GALNS: variants seen among roughly 807,000 people sequenced by gnomAD.
The protein encoded by GALNS is galactosamine (N-acetyl)-6-sulfatase, also known as N-acetylgalactosamine-6-sulfatase.
GALNS carries 65 observed loss-of-function variants against 65.9 expected under a neutral mutation model. The ratio of observed to expected loss-of-function variants is 0.99; its 90% CI spans 0.81 to 1.21. The LOEUF (loss-of-function observed/expected upper bound fraction) is 1.21. GALNS is among the 50% of genes most tolerant of loss of function. The pLI, the probability that GALNS is intolerant of heterozygous loss-of-function variation, is 0.00. For missense variants in GALNS, 776 were observed against 700.7 expected, an observed-to-expected ratio of 1.11 and a Z score of -1.21; for synonymous variants, 346 against 288.9, an observed-to-expected ratio of 1.20 and a Z score of -2.00.
At position 88,856,944 on chromosome 16, in the gene GALNS, G is replaced by T. The variant is rs1442993579; in HGVS notation, c.-67C>A. 24 of 1,454,482 alleles carry T rather than the reference G, an allele frequency of 1.7e-5. No homozygotes were observed. In the South Asian group the frequency reaches 3.0e-4, roughly 18 times the overall value. 90.1% of individuals were successfully genotyped at this position (1,454,482 alleles called of 1,614,324 possible). A position where few individuals can be genotyped will look rare whatever the true frequency, so the allele number is the denominator to read the frequency against. ...CTAGCGAGCGTCCGCCGGCCCTTCC[G>T]GCTGGGCTGCGGGGCGGGGCCTGGA... On this transcript the variant is annotated 5_prime_UTR_variant, in exon 1 of 14. Coordinates refer to ENST00000268695, the MANE Select transcript of GALNS (RefSeq NM_000512.5).
chr16:88,814,319 C>T lies in GALNS; in HGVS notation c.*120G>A. 7.6e-7 allele frequency: 1 copy of T among 1,317,842 alleles called. No individual in the cohort carries two copies. The highest frequency in any genetic ancestry group is 1.1e-6 in the Non-Finnish European group (1 of 938,052). The allele number at this position is 1,317,842 out of a possible 1,614,324, so 81.6% of individuals were successfully genotyped here. A position where few individuals can be genotyped will look rare whatever the true frequency, so the allele number is the denominator to read the frequency against. On this transcript the variant is annotated 3_prime_UTR_variant, in exon 14 of 14. Coordinates refer to ENST00000268695, the MANE Select transcript of GALNS (RefSeq NM_000512.5). ...GAATTGTGCAGTCCCCCTGCGTCTGCAGGTGCTGTCTGTCTGGCTTGGGCA... is the reference window on the plus strand; with the variant it reads ...GAATTGTGCAGTCCCCCTGCGTCTGTAGGTGCTGTCTGTCTGGCTTGGGCA...
chr16:88,841,678 G>C (rs1046665052), intron 3 of GALNS, among the ~76,000 whole-genome samples: 1 of 152,146 alleles, frequency 6.6e-6, no homozygotes, highest in Non-Finnish European at 1.5e-5. Flanking sequence ...AGCTCCTTAG[G>C]CCAGACTGGG....
Position 88,837,657 on chromosome 16 carries a change from G to A in GALNS, c.531C>T (p.Asn177=), listed in dbSNP as rs1912278766. ...FGPYDNKARP[N]IPVYRDWEMV... is the part of the protein sequence containing the mutation. ...TCTCCCAGTCCCTGTACACAGGGAT[G>A]TTGGGCCTGGCCTTGTTGTCATAAG... is the stretch of plus-strand genomic sequence containing the variant. The change falls in exon 5 of 14, where the codon AAC becomes AAT. Residue 177 remains asparagine (N), a synonymous_variant. Transcript: ENST00000268695. 1 of 1,613,918 alleles carries A rather than the reference G, an allele frequency of 6.2e-7. No individual in the cohort carries two copies. Among genetic ancestry groups the A allele is most frequent in the South Asian group, 1.1e-5 (1 of 91,074 alleles).
chr16:88,838,268 G>T (rs1912349065), intron 4 of GALNS, among the ~76,000 whole-genome samples: 1 of 152,196 alleles, frequency 6.6e-6, no homozygotes. Flanking sequence ...TCAGGGCAAT[G>T]GCCCCAGGAT....
intron 5 of GALNS, 152 bp downstream of exon 5, chr16:88,837,470 C>G: frequency 2.7e-6 from 2 of 745,516 alleles, no homozygotes; most frequent in Admixed American, 4.8e-5. Flanking sequence ...GGGACAGAAG[C>G]CACCAAACCA....
intron 12 of GALNS, among the ~76,000 whole-genome samples, chr16:88,821,946 G>C (rs572338871): frequency 6.6e-6 from 1 of 152,070 alleles, no homozygotes; most frequent in African/African-American, 2.4e-5. Context: ...GCTGGGGTGA[G>C]GGGGGGAAGC....
At chr16:88,833,696 C>T (rs1022114803) in intron 8 of GALNS, among the ~76,000 whole-genome samples, 25 of 152,074 alleles carry the variant, frequency 1.6e-4, no homozygotes, top group Admixed American at 4.6e-4. Context: ...GTGATCCACC[C>T]GCCTCAGCCT....
intron 1 of GALNS, among the ~76,000 whole-genome samples, chr16:88,849,051 C>G (rs1189009729): frequency 1.3e-5 from 2 of 152,328 alleles, no homozygotes; most frequent in Admixed American, 6.5e-5. Flanking sequence ...TTTTTCCTCT[C>G]AAAGGCCCTC....
rs1484362060 is a variant in GALNS at position 88,835,833 on chromosome 16, A to C, written c.650T>G (p.Ile217Ser). Reference sequence around the variant, plus strand: ...GGGGTGGTGCCGTGCCTGTCTCTTAATGAAGTCCAGGGCTTCCTATGGAGA... The same window carrying C: ...GGGGTGGTGCCGTGCCTGTCTCTTACTGAAGTCCAGGGCTTCCTATGGAGA... The part of the protein sequence containing the change: ...QIYLQEALDF[I>S]KRQARHHPFF... Residue 217 changes from isoleucine to serine, a missense_variant, in exon 7 of 14, where the codon ATT (isoleucine) becomes AGT (serine). Physicochemically the swap from Ile to Ser is moderately radical, Grantham distance 142. Coordinates refer to ENST00000268695, the MANE Select transcript of GALNS (RefSeq NM_000512.5). The C allele has an allele frequency of 1.2e-6, 2 of 1,613,994 alleles. No individual in the cohort carries two copies. The highest frequency in any genetic ancestry group is 1.7e-6 in the Non-Finnish European group (2 of 1,180,020).
intron 1 of GALNS, among the ~76,000 whole-genome samples, chr16:88,853,312 G>A (rs182728667): frequency 1.7e-4 from 26 of 150,692 alleles, no homozygotes; most frequent in Middle Eastern, 3.5e-3. Flanking sequence ...CACGTTCAGC[G>A]AGCACAGCTG....
chr16:88,815,757 C>T, intron 13 of GALNS: 4 of 985,424 alleles, frequency 4.1e-6, no homozygotes, highest in Non-Finnish European at 4.8e-6. Context: ...GCATGAGTGT[C>T]CCTGCCCCCT....
chr16:88,834,061 C>A (rs1911807807), intron 8 of GALNS, among the ~76,000 whole-genome samples: 1 of 152,142 alleles, frequency 6.6e-6, no homozygotes, highest in Non-Finnish European at 1.5e-5. Flanking sequence ...CTGTAGCCCT[C>A]CACACATGGG....
intron 12 of GALNS, 64 bp downstream of exon 12, chr16:88,822,525 G>A (rs557580871): frequency 6.2e-7 from 1 of 1,603,444 alleles, no homozygotes; most frequent in Non-Finnish European, 8.5e-7. Context: ...TCCCTGTGGA[G>A]CCTGCATTTG....
chr16:88,816,672 C>A, intron 13 of GALNS: 1 of 985,466 alleles, frequency 1.0e-6, no homozygotes, highest in South Asian at 4.7e-5. Flanking sequence ...TCTCCTGTTA[C>A]ATCCGCCGGC....
intron 9 of GALNS, among the ~76,000 whole-genome samples, chr16:88,831,118 C>T (rs1911456655): frequency 2.0e-5 from 3 of 151,916 alleles, no homozygotes. Flanking sequence ...GTATACGTGG[C>T]TCCAGTCCCC....
rs148759644 is a variant in GALNS, at chr16:88,835,277, C to T, written c.834G>A (p.Ala278=). The change falls in exon 8 of 14, where the codon GCG becomes GCA. Residue 278 remains alanine (A), a synonymous_variant. Transcript: ENST00000268695. The part of the protein sequence containing the change: ...ILELLQDLHV[A]DNTFVFFTSD... ...ACGTGAAGAAGACGAAGGTGTTGTC[C>T]GCGACGTGCAGGTCTTGGAGGAGCT... is the stretch of plus-strand genomic sequence containing the variant. The T allele has an allele frequency of 2.2e-5, 35 of 1,612,036 alleles. 1 individual carries two copies. The South Asian group carries it at 2.4e-4, about 11-fold the overall frequency.
At chr16:88,832,218 T>G (rs548067613) in intron 8 of GALNS, 117 bp from the exon 9 acceptor site, 2 of 940,190 alleles carry the variant, frequency 2.1e-6, no homozygotes, top group South Asian at 2.8e-5. Flanking sequence ...GCCAAGGCAC[T>G]CTGGCTGGAG....
At chr16:88,836,121 C>T (rs576058457) in intron 6 of GALNS, 80 bp downstream of exon 6, 14 of 1,355,734 alleles carry the variant, frequency 1.0e-5, no homozygotes, top group Non-Finnish European at 1.5e-5. Flanking sequence ...TTCCTGTCCC[C>T]ACGCCTCCCA....
At chr16:88,853,870 C>T (rs1179284945) in intron 1 of GALNS, among the ~76,000 whole-genome samples, 1 of 152,216 alleles carries the variant, frequency 6.6e-6, no homozygotes, top group Admixed American at 6.5e-5. Context: ...CTCTTGCCAG[C>T]TGCTCTCACC....
Sources: allele counts gnomAD v4.1 joint callset (sites outside exome capture counted in the v4.1 genomes callset), GRCh38; gene constraint gnomAD v4.1.1; transcripts MANE v1.5; gene names NCBI Gene and HGNC (gene_info 2026-07-23, HGNC 2026-07-21).